The following GRID1 variants were observed in gnomAD, a reference collection of about 807,000 sequenced individuals.
The protein encoded by GRID1 is glutamate ionotropic receptor delta type subunit 1.
Under a neutral mutation model 98.0 loss-of-function variants are expected in GRID1, and 28 were observed. That is an observed-to-expected ratio of 0.29 (90% confidence interval 0.21 to 0.39). The LOEUF is 0.39. Among genes scored for constraint, GRID1 ranks in the 10% least tolerant of loss-of-function variants. The pLI, the probability that GRID1 is intolerant of heterozygous loss-of-function variation, is 1.00. For missense variants in GRID1, 1,111 were observed against 1,340.5 expected, an observed-to-expected ratio of 0.83 and a Z score of 2.67; for synonymous variants, 553 against 538.5, an observed-to-expected ratio of 1.03 and a Z score of -0.37.
chr10:85,888,766 G>T (rs900188860), intron 5 of GRID1, among the ~76,000 whole-genome samples: 2 of 151,664 alleles, frequency 1.3e-5, no homozygotes, highest in Non-Finnish European at 2.9e-5. Context: ...TATTTCCTTT[G>T]TCTCTCACTC....
rs1842936865 is a variant in GRID1, at chr10:85,628,497, T to C, written c.2194-8464A>G. 2.0e-5 allele frequency among the ~76,000 whole-genome samples: 3 copies of C among 152,200 alleles called. No individual in the cohort carries two copies. In the South Asian group the frequency reaches 6.2e-4, roughly 32 times the overall value. ...CAGGTACCAAGCTGCTGGAGAACCATGAAGGGTTCAGAAAAAGTGGACCTT... is the reference window on the plus strand; with the variant it reads ...CAGGTACCAAGCTGCTGGAGAACCACGAAGGGTTCAGAAAAAGTGGACCTT... On this transcript the variant is annotated intron_variant, in intron 13 of 15. Transcript: ENST00000327946.
intron 2 of GRID1, among the ~76,000 whole-genome samples, chr10:86,239,703 C>T (rs1846597072): frequency 6.6e-6 from 1 of 152,190 alleles, no homozygotes; most frequent in Admixed American, 6.5e-5. Context: ...CTCTCTTCTC[C>T]CTTCTCCAGC....
At chr10:85,845,481 C>T (rs1280224313) in intron 8 of GRID1, among the ~76,000 whole-genome samples, 1 of 152,062 alleles carries the variant, frequency 6.6e-6, no homozygotes, top group Non-Finnish European at 1.5e-5. Flanking sequence ...TTAACACTTC[C>T]CAAATTGATC....
At chr10:86,224,235 T>C (rs1353007473) in intron 2 of GRID1, among the ~76,000 whole-genome samples, 1 of 148,236 alleles carries the variant, frequency 6.7e-6, no homozygotes, top group Non-Finnish European at 1.5e-5. Flanking sequence ...CACAACAGCA[T>C]TGGTTGAAGG....
At chr10:85,795,573 T>C (rs866921991) in intron 8 of GRID1, among the ~76,000 whole-genome samples, 1 of 152,180 alleles carries the variant, frequency 6.6e-6, no homozygotes, top group Non-Finnish European at 1.5e-5. Flanking sequence ...AGAACTAGTG[T>C]TCCCTGAAAC....
intron 4 of GRID1, among the ~76,000 whole-genome samples, chr10:86,107,008 C>T (rs1012541851): frequency 6.6e-6 from 1 of 152,084 alleles, no homozygotes; most frequent in African/African-American, 2.4e-5. Context: ...ATCCAGACTC[C>T]TGTGGAGAGT....
At chr10:86,036,520 G>A (rs1363092682) in intron 4 of GRID1, among the ~76,000 whole-genome samples, 1 of 152,146 alleles carries the variant, frequency 6.6e-6, no homozygotes, top group African/African-American at 2.4e-5. Flanking sequence ...GTCACCTCCA[G>A]CCCCAAGAAG....
At chr10:85,899,557 T>A (rs958575684) in intron 5 of GRID1, among the ~76,000 whole-genome samples, 1 of 152,192 alleles carries the variant, frequency 6.6e-6, no homozygotes, top group Non-Finnish European at 1.5e-5. Context: ...GAGATCAAGT[T>A]TCTTGCCATC....
intron 2 of GRID1, among the ~76,000 whole-genome samples, chr10:86,233,452 C>G (rs1232928861): frequency 6.6e-6 from 1 of 152,164 alleles, no homozygotes; most frequent in African/African-American, 2.4e-5. Context: ...GATGGACACT[C>G]CCATCCCCTC....
chr10:86,166,004 T>C (rs1383361081), intron 3 of GRID1, among the ~76,000 whole-genome samples: 3 of 152,202 alleles, frequency 2.0e-5, no homozygotes, highest in African/African-American at 7.2e-5. Flanking sequence ...CACGGGAACA[T>C]TTCACATTCA....
At chr10:86,048,290 T>C (rs568417187) in intron 4 of GRID1, among the ~76,000 whole-genome samples, 2 of 152,160 alleles carry the variant, frequency 1.3e-5, no homozygotes, top group Non-Finnish European at 2.9e-5. Flanking sequence ...AGAGGATCAC[T>C]TGAGTGCCCA....
chr10:86,355,830 C>T (rs928108471), intron 2 of GRID1, among the ~76,000 whole-genome samples: 5 of 152,358 alleles, frequency 3.3e-5, no homozygotes, highest in South Asian at 2.1e-4. Flanking sequence ...CAGAGAGATG[C>T]GTGGTCTCTG....
At chr10:86,011,329 A>AT (rs35475983) in intron 4 of GRID1, among the ~76,000 whole-genome samples, 16 of 152,030 alleles carry the variant, frequency 1.1e-4, no homozygotes, top group South Asian at 4.1e-4. Flanking sequence ...GATTTTTGTC[A>AT]TTTTTTTTCA....
At position 85,831,224 on chromosome 10, in the gene GRID1, T is replaced by C. The variant is rs540976685; in HGVS notation, c.1233+23272A>G. On this transcript the variant is annotated intron_variant, in intron 8 of 15. Transcript: ENST00000327946. ...AACACAAGAACAGAAAACAAAATAC[T>C]ATGTGTTCTCACTTATAAGTGGAAG... is the stretch of plus-strand genomic sequence containing the variant. Among the ~76,000 whole-genome samples, 15 of 152,166 alleles carry C rather than the reference T, an allele frequency of 9.9e-5. No individual in the cohort carries two copies. In the East Asian group the frequency reaches 2.9e-3, roughly 29 times the overall value.
At chr10:85,880,120 G>A (rs1840983377) in intron 5 of GRID1, among the ~76,000 whole-genome samples, 1 of 152,124 alleles carries the variant, frequency 6.6e-6, no homozygotes, top group Admixed American at 6.6e-5. Context: ...TGAAATTGTG[G>A]CAATAATCAA....
chr10:85,823,043 T>A (rs887871042), intron 8 of GRID1, among the ~76,000 whole-genome samples: 2 of 152,126 alleles, frequency 1.3e-5, no homozygotes, highest in Non-Finnish European at 2.9e-5. Flanking sequence ...TGTCATGAGT[T>A]GCGGGGAGGG....
At chr10:85,855,987 G>A (rs1344003784) in intron 7 of GRID1, 42 bp downstream of exon 7, 1 of 1,588,710 alleles carries the variant, frequency 6.3e-7, no homozygotes, top group East Asian at 2.2e-5. Context: ...TATAAGAAGG[G>A]GCCTGTCTTT....
At chr10:86,281,013 G>C (rs947317629) in intron 2 of GRID1, among the ~76,000 whole-genome samples, 1 of 152,142 alleles carries the variant, frequency 6.6e-6, no homozygotes, top group African/African-American at 2.4e-5. Flanking sequence ...ACCTCGCCTG[G>C]AGCCAGGGGC....
intron 8 of GRID1, among the ~76,000 whole-genome samples, chr10:85,845,051 T>A (rs1291824588): frequency 1.3e-5 from 2 of 151,898 alleles, no homozygotes; most frequent in Admixed American, 6.5e-5. Context: ...ATGTCCACTG[T>A]TATTACATCT....
Sources: gnomAD v4.1 joint callset for allele counts (sites outside exome capture counted in the v4.1 genomes callset) on GRCh38, gnomAD v4.1.1 for gene constraint, MANE v1.5 for transcripts, NCBI Gene and HGNC (gene_info 2026-07-23, HGNC 2026-07-21) for gene names.